The following LARGE1 variants were observed in gnomAD, a reference collection of about 807,000 sequenced individuals.
LARGE1 encodes the protein xylosyl- and glucuronyltransferase LARGE1.
A neutral mutation model predicts 87.6 loss-of-function variants in LARGE1; 43 were observed. The observed-to-expected ratio is 0.49, with a 90% confidence interval of 0.38 to 0.63. LARGE1 has a LOEUF of 0.63. LARGE1 is among the 30% of genes least tolerant of loss of function. LARGE1 has a pLI of 0.00. For synonymous variants in LARGE1, 434 were observed against 394.6 expected (o/e 1.10, Z -1.18); for missense variants, 802 against 1,000.2 (o/e 0.80, Z 2.67).
At chr22:33,833,245 G>A (rs932276401) in intron 1 of LARGE1, among the ~76,000 whole-genome samples, 1 of 152,202 alleles carries the variant, frequency 6.6e-6, no homozygotes, top group African/African-American at 2.4e-5. Context: ...AATCAAACCA[G>A]TGACCCTCGG....
chr22:33,364,995 C>A (rs115215334), intron 9 of LARGE1, among the ~76,000 whole-genome samples: 163 of 152,224 alleles, frequency 1.1e-3, no homozygotes, highest in African/African-American at 3.7e-3. Flanking sequence ...CATGCCTGAC[C>A]TTCAGAATTT....
At chr22:33,476,509 C>G (rs2069086404) in intron 6 of LARGE1, among the ~76,000 whole-genome samples, 1 of 152,196 alleles carries the variant, frequency 6.6e-6, no homozygotes, top group African/African-American at 2.4e-5. Context: ...TGTATACAAG[C>G]AAGCTGTCTC....
intron 10 of LARGE1, among the ~76,000 whole-genome samples, chr22:33,332,020 C>T (rs1937776467): frequency 6.6e-6 from 1 of 152,052 alleles, no homozygotes; most frequent in African/African-American, 2.4e-5. Flanking sequence ...TGTCTGTAAC[C>T]CTCACTCAAC....
intron 2 of LARGE1, among the ~76,000 whole-genome samples, chr22:33,688,839 A>G (rs2082015656): frequency 2.0e-5 from 3 of 151,604 alleles, no homozygotes; most frequent in Non-Finnish European, 4.4e-5. Context: ...TAATGTGTCT[A>G]TTTCTTCCAC....
At chr22:33,739,018 A>G (rs1481056034) in intron 2 of LARGE1, among the ~76,000 whole-genome samples, 3 of 150,890 alleles carry the variant, frequency 2.0e-5, no homozygotes, top group African/African-American at 7.3e-5. Flanking sequence ...GAGTGAAGAA[A>G]GCAAAGACAA....
At chr22:33,670,397 T>TAG (rs2081375059) in intron 2 of LARGE1, among the ~76,000 whole-genome samples, 2 of 151,632 alleles carry the variant, frequency 1.3e-5, no homozygotes, top group Admixed American at 1.3e-4. Context: ...ATGTTGAGAT[T>TAG]AGAAAGGTGA....
intron 3 of LARGE1, 61 bp from the exon 4 acceptor site, chr22:33,626,387 TTCAGA>T: frequency 7.5e-7 from 1 of 1,340,494 alleles, no homozygotes. Context: ...TTCCTGGTGC[TTCAGA>T]TCACACTAGA....
intron 11 of LARGE1, among the ~76,000 whole-genome samples, chr22:33,304,966 C>T (rs1934672943): frequency 6.6e-6 from 1 of 152,174 alleles, no homozygotes; most frequent in Non-Finnish European, 1.5e-5. Context: ...ACAAGAGCTA[C>T]AACAACTATA....
chr22:33,699,687 T>C (rs2082350825), intron 2 of LARGE1, among the ~76,000 whole-genome samples: 1 of 152,118 alleles, frequency 6.6e-6, no homozygotes. Context: ...CAATAAAATA[T>C]GACAAAAACC....
At chr22:33,730,670 CTATTT>C (rs1264491861) in intron 2 of LARGE1, among the ~76,000 whole-genome samples, 5 of 151,942 alleles carry the variant, frequency 3.3e-5, no homozygotes, top group East Asian at 1.9e-4. Context: ...GGTTGCATTT[CTATTT>C]TATTTTATTT....
chr22:33,206,342 T>G (rs1924682106), intron 11 of LARGE1, among the ~76,000 whole-genome samples: 2 of 152,138 alleles, frequency 1.3e-5, no homozygotes, highest in South Asian at 2.1e-4. Flanking sequence ...TCCACCTGCC[T>G]CAGCCTCCCA....
At chr22:33,844,877 T>G (rs575401214) in intron 1 of LARGE1, among the ~76,000 whole-genome samples, 1 of 152,048 alleles carries the variant, frequency 6.6e-6, no homozygotes, top group South Asian at 2.1e-4. Context: ...CGCACCACCA[T>G]GCCTGGCTAA....
chr22:33,225,162 C>T (rs1925668973), intron 11 of LARGE1, among the ~76,000 whole-genome samples: 1 of 152,106 alleles, frequency 6.6e-6, no homozygotes, highest in African/African-American at 2.4e-5. Flanking sequence ...GAAGAGGTGT[C>T]CCTGGGTGCT....
At chr22:33,858,221 G>A (rs1024656650) in intron 1 of LARGE1, among the ~76,000 whole-genome samples, 2 of 152,220 alleles carry the variant, frequency 1.3e-5, no homozygotes, top group African/African-American at 4.8e-5. Flanking sequence ...CACCTTGCTG[G>A]ATCAGGAGCC....
intron 1 of LARGE1, among the ~76,000 whole-genome samples, chr22:33,893,677 T>C (rs2065061384): frequency 6.6e-6 from 1 of 152,206 alleles, no homozygotes; most frequent in African/African-American, 2.4e-5. Context: ...ATCATTAACT[T>C]AAGTGGTACA....
intron 11 of LARGE1, among the ~76,000 whole-genome samples, chr22:33,176,472 C>A (rs949222774): frequency 6.6e-6 from 1 of 152,066 alleles, no homozygotes; most frequent in Non-Finnish European, 1.5e-5. Context: ...AAAAACCAAA[C>A]AACCCCATCA....
intron 1 of LARGE1, among the ~76,000 whole-genome samples, chr22:33,848,575 G>A (rs2267303): frequency 0.4 from 60,779 of 151,742 alleles, 12,238 homozygotes; most frequent in Admixed American, 0.51. Context: ...AGGGAAGGAG[G>A]GCTCTTCCTG....
At chr22:33,848,639 G>A (rs2063499484) in intron 1 of LARGE1, among the ~76,000 whole-genome samples, 1 of 152,014 alleles carries the variant, frequency 6.6e-6, no homozygotes. Context: ...CCAGACACTG[G>A]GCCCAAAAAC....
chr22:33,814,087 G>A (rs569366687), intron 1 of LARGE1, among the ~76,000 whole-genome samples: 6 of 152,150 alleles, frequency 3.9e-5, no homozygotes, highest in Middle Eastern at 3.4e-3. Flanking sequence ...ATCATATCTC[G>A]TCTCCAAAAT....
Sources: allele counts gnomAD v4.1 joint callset (sites outside exome capture counted in the v4.1 genomes callset), GRCh38; gene constraint gnomAD v4.1.1; transcripts MANE v1.5; gene names NCBI Gene and HGNC (gene_info 2026-07-23, HGNC 2026-07-21).